The following MLLT11 variants were observed in gnomAD, a reference collection of about 807,000 sequenced individuals.
The protein encoded by MLLT11 is protein AF1q.
MLLT11 carries 1 observed loss-of-function variant against 5.3 expected under a neutral mutation model. That is an observed-to-expected ratio of 0.19 (90% confidence interval 0.07 to 0.89). The LOEUF (loss-of-function observed/expected upper bound fraction) is 0.89. Among genes scored for constraint, MLLT11 ranks in the 40% least tolerant of loss-of-function variants. The pLI is 0.67. For missense variants in MLLT11, 87 were observed against 107.3 expected (o/e 0.81, Z 0.83); for synonymous variants, 38 against 41.7 (o/e 0.91, Z 0.34).
chr1:151,062,647 C>T (rs587758728), intron 1 of MLLT11, among the ~76,000 whole-genome samples: 1 of 152,146 alleles, frequency 6.6e-6, no homozygotes, highest in Admixed American at 6.5e-5. Flanking sequence ...AGGCGTGTGC[C>T]ACCGCGCCTG....
At chr1:151,063,159 C>T (rs1430508371) in intron 1 of MLLT11, among the ~76,000 whole-genome samples, 1 of 152,190 alleles carries the variant, frequency 6.6e-6, no homozygotes. Flanking sequence ...CTCACCATTC[C>T]TGAAGCCCCC....
At position 151,068,911 on chromosome 1, in the gene MLLT11, C is replaced by T. The variant is rs1419251129; in HGVS notation, c.*1414C>T. Among the ~76,000 whole-genome samples the T allele has an allele frequency of 6.6e-6, 1 of 152,108 alleles. No homozygotes were observed. The highest frequency in any genetic ancestry group is 1.5e-5 in the Non-Finnish European group (1 of 68,030). On this transcript the variant is annotated 3_prime_UTR_variant, in exon 2 of 2. Coordinates refer to ENST00000368921, the MANE Select transcript of MLLT11 (RefSeq NM_006818.4). The stretch of plus-strand genomic sequence containing the variant: ...CATTTTATCTTTCTATAATAATATT[C>T]AACTTAGAGGAAGAATGATTTGAGT...
intron 1 of MLLT11, among the ~76,000 whole-genome samples, chr1:151,065,793 A>C (rs1263275709): frequency 2.6e-5 from 4 of 152,200 alleles, no homozygotes; most frequent in Non-Finnish European, 4.4e-5. Flanking sequence ...AGTTTGGGCT[A>C]GGGGAACGGG....
Position 151,067,345 on chromosome 1 carries a change from A to G in MLLT11, c.121A>G (p.Lys41Glu), listed in dbSNP as rs752355117. 3 of 1,614,156 alleles carry G rather than the reference A, an allele frequency of 1.9e-6. No individual in the cohort carries two copies. Among genetic ancestry groups the G allele is most frequent in the Non-Finnish European group, 2.5e-6 (3 of 1,180,034 alleles). ...GTCAGATACAGCCACCTACAAGGTC[A>G]AAGACAGCAGCGTTGGCAAAATGAT... is the stretch of plus-strand genomic sequence containing the variant. ...GLSDTATYKV[K>E]DSSVGKMIGQ... Residue 41 changes from lysine to glutamate, a missense_variant, in exon 2 of 2, where the codon AAA becomes GAA. By Grantham distance (56) the Lys-to-Glu change is moderately conservative. Coordinates refer to ENST00000368921, the MANE Select transcript of MLLT11 (RefSeq NM_006818.4).
intron 1 of MLLT11, among the ~76,000 whole-genome samples, chr1:151,063,305 A>G (rs1676431075): frequency 6.6e-6 from 1 of 152,170 alleles, no homozygotes; most frequent in South Asian, 2.1e-4. Flanking sequence ...GTGAGACCCA[A>G]TAGGGTGTGT....
Position 151,068,774 on chromosome 1 carries a change from G to A in MLLT11, c.*1277G>A, listed in dbSNP as rs1180828155. On this transcript the variant is annotated 3_prime_UTR_variant, in exon 2 of 2. Coordinates refer to ENST00000368921, the MANE Select transcript of MLLT11 (RefSeq NM_006818.4). ...TAATTTTTGTATTTTTCATAGAGAC[G>A]GGGTTTCACCATGTTGGCCAGGCTG... Among the ~76,000 whole-genome samples, 3 of 152,054 alleles carry A rather than the reference G, an allele frequency of 2.0e-5. No individual in the cohort carries two copies. The highest frequency in any genetic ancestry group is 1.3e-4 in the Admixed American group (2 of 15,236).
Position 151,067,366 on chromosome 1 carries a change from A to G in MLLT11, c.142A>G (p.Met48Val), listed in dbSNP as rs1452271194. The part of the protein sequence containing the change: ...YKVKDSSVGK[M>V]IGQATAADQE... ...GGTCAAAGACAGCAGCGTTGGCAAA[A>G]TGATCGGGCAAGCAACTGCAGCAGA... Residue 48 changes from methionine (M) to valine (V), a missense_variant, in exon 2 of 2, where the codon ATG (methionine) becomes GTG (valine). Met to Val is a conservative substitution (Grantham distance 21, BLOSUM62 1). Coordinates refer to ENST00000368921, the MANE Select transcript of MLLT11 (RefSeq NM_006818.4). 3 of 1,614,154 alleles carry G rather than the reference A, an allele frequency of 1.9e-6. No individual in the cohort carries two copies. Among genetic ancestry groups the G allele is most frequent in the Non-Finnish European group, 2.5e-6 (3 of 1,180,034 alleles).
At position 151,068,872 on chromosome 1, in the gene MLLT11, A is replaced by C. The variant is rs1676515002; in HGVS notation, c.*1375A>C. ...AGTGCTGAGATTACAGGCGTGAGCCACTGAGCCCGGCCTCATTTTATCTTT... is the reference window on the plus strand; with the variant it reads ...AGTGCTGAGATTACAGGCGTGAGCCCCTGAGCCCGGCCTCATTTTATCTTT... On this transcript the variant is annotated 3_prime_UTR_variant, in exon 2 of 2. Coordinates refer to ENST00000368921, the MANE Select transcript of MLLT11 (RefSeq NM_006818.4). Among the ~76,000 whole-genome samples, 1 of 152,262 alleles carries C rather than the reference A, an allele frequency of 6.6e-6. No homozygotes were observed. The highest frequency in any genetic ancestry group is 1.5e-5 in the Non-Finnish European group (1 of 68,048).
chr1:151,067,142 A>C, intron 1 of MLLT11, 77 bp from the exon 2 acceptor site: 2 of 1,149,544 alleles, frequency 1.7e-6, no homozygotes, highest in South Asian at 1.4e-5. Flanking sequence ...CAGTATGTGG[A>C]GTATCTAAGC....
At chr1:151,061,422 A>G (rs1463970608) in intron 1 of MLLT11, among the ~76,000 whole-genome samples, 1 of 152,214 alleles carries the variant, frequency 6.6e-6, no homozygotes, top group East Asian at 1.9e-4. Flanking sequence ...CCGAGAGTGT[A>G]TCTTTCTAAT....
chr1:151,067,624 CAG>C lies in MLLT11; in HGVS notation c.*130_*131del. ...GTGTTGGTGGTGCTGATGAATCTGC[CAG>C]AGTTGAGTTCTATGTATTTATTTAT... On this transcript the variant is annotated 3_prime_UTR_variant, in exon 2 of 2. Coordinates refer to ENST00000368921, the MANE Select transcript of MLLT11 (RefSeq NM_006818.4). The C allele has an allele frequency of 9.5e-7, 1 of 1,049,464 alleles. No individual in the cohort carries two copies. Among genetic ancestry groups the C allele is most frequent in the Non-Finnish European group, 1.4e-6 (1 of 709,260 alleles). The allele number at this position is 1,049,464 out of a possible 1,614,324, so 65.0% of individuals were successfully genotyped here. A position where few individuals can be genotyped will look rare whatever the true frequency, so the allele number is the denominator to read the frequency against.
rs1308023352 is a variant in MLLT11, at chr1:151,068,775, G to A, written c.*1278G>A. Among the ~76,000 whole-genome samples the A allele has an allele frequency of 6.6e-6, 1 of 152,080 alleles. No individual in the cohort carries two copies. Among genetic ancestry groups the A allele is most frequent in the Non-Finnish European group, 1.5e-5 (1 of 68,024 alleles). ...AATTTTTGTATTTTTCATAGAGACG[G>A]GGTTTCACCATGTTGGCCAGGCTGG... On this transcript the variant is annotated 3_prime_UTR_variant, in exon 2 of 2. Transcript: ENST00000368921.
chr1:151,061,678 G>C (rs1676410016), intron 1 of MLLT11, among the ~76,000 whole-genome samples: 1 of 152,078 alleles, frequency 6.6e-6, no homozygotes, highest in Admixed American at 6.6e-5. Flanking sequence ...AGCCAAAAAA[G>C]GATCTTTTGC....
intron 1 of MLLT11, among the ~76,000 whole-genome samples, chr1:151,063,388 A>T (rs1676431680): frequency 6.6e-6 from 1 of 152,038 alleles, no homozygotes; most frequent in African/African-American, 2.4e-5. Context: ...TCCTTTGGGA[A>T]CATTTCAACT....
chr1:151,063,837 A>G (rs1335197809), intron 1 of MLLT11, among the ~76,000 whole-genome samples: 1 of 152,198 alleles, frequency 6.6e-6, no homozygotes, highest in Non-Finnish European at 1.5e-5. Context: ...AGAGAAAGTG[A>G]TAGATCCATT....
At chr1:151,066,375 G>A (rs2102981066) in intron 1 of MLLT11, among the ~76,000 whole-genome samples, 1 of 152,248 alleles carries the variant, frequency 6.6e-6, no homozygotes, top group East Asian at 1.9e-4. Context: ...CTGGCCTCAA[G>A]TGATCCACCC....
rs2102981629 is a variant in MLLT11 at position 151,068,073 on chromosome 1, G to A, written c.*576G>A. 1 of 240,666 alleles carries A rather than the reference G, an allele frequency of 4.2e-6. No homozygotes were observed. Among genetic ancestry groups the A allele is most frequent in the East Asian group, 6.5e-5 (1 of 15,386 alleles). The allele number at this position is 240,666 out of a possible 1,614,324, so 14.9% of individuals were successfully genotyped here. On this transcript the variant is annotated 3_prime_UTR_variant, in exon 2 of 2. Transcript: ENST00000368921. ...GGAGGGTAGTTAGAGGTATAAAACAGGAGGAAATATTATGGAAAATGAAAA... is the reference window on the plus strand; with the variant it reads ...GGAGGGTAGTTAGAGGTATAAAACAAGAGGAAATATTATGGAAAATGAAAA...
chr1:151,065,951 C>G (rs1286093002), intron 1 of MLLT11, among the ~76,000 whole-genome samples: 2 of 152,186 alleles, frequency 1.3e-5, no homozygotes, highest in Non-Finnish European at 2.9e-5. Flanking sequence ...AAGTGATTCT[C>G]CCACTCAGCC....
At chr1:151,063,845 A>T (rs1676440592) in intron 1 of MLLT11, among the ~76,000 whole-genome samples, 1 of 152,208 alleles carries the variant, frequency 6.6e-6, no homozygotes, top group Non-Finnish European at 1.5e-5. Context: ...TGATAGATCC[A>T]TTAACGCATG....
Sources: allele counts gnomAD v4.1 joint callset (sites outside exome capture counted in the v4.1 genomes callset), GRCh38; gene constraint gnomAD v4.1.1; transcripts MANE v1.5; gene names NCBI Gene and HGNC (gene_info 2026-07-23, HGNC 2026-07-21).